The following PNLIPRP3 variants were observed in gnomAD, a reference collection of about 807,000 sequenced individuals.
PNLIPRP3 encodes the protein pancreatic lipase-related protein 3.
A neutral mutation model predicts 52.8 loss-of-function variants in PNLIPRP3; 58 were observed. The ratio of observed to expected loss-of-function variants is 1.10; its 90% CI spans 0.89 to 1.37. The LOEUF is 1.37. Among genes scored for constraint, PNLIPRP3 ranks in the 40% most tolerant of loss-of-function variants. The pLI is 0.00. For synonymous variants in PNLIPRP3, 192 were observed against 185.0 expected, an observed-to-expected ratio of 1.04 and a Z score of -0.31; for missense variants, 593 against 561.6, an observed-to-expected ratio of 1.06 and a Z score of -0.57.
chr10:116,443,612 TGTGTTTTATATA>T (rs1353046197), intron 3 of PNLIPRP3, among the ~76,000 whole-genome samples: 1 of 16,268 alleles, frequency 6.1e-5, no homozygotes, highest in African/African-American at 7.5e-5. Flanking sequence ...TTTATATATA[TGTGTTTTATATA>T]TATAACACAT....
chr10:116,474,013 G>T (rs1564706508), intron 10 of PNLIPRP3, among the ~76,000 whole-genome samples: 1 of 148,742 alleles, frequency 6.7e-6, no homozygotes, highest in African/African-American at 2.5e-5. Flanking sequence ...GAACAAAGCT[G>T]GAGGCATCAT....
At position 116,476,980 on chromosome 10, in the gene PNLIPRP3, C is replaced by T. The variant is rs967485665; in HGVS notation, c.1341-110C>T. On this transcript the variant is annotated intron_variant, in intron 11 of 11. Coordinates refer to ENST00000369230, the MANE Select transcript of PNLIPRP3 (RefSeq NM_001011709.3). ...AGTTAAGAAACCAATGCTATATGTGCAGAAGTGTTAGAAAATAAGAATTAC... is the reference window on the plus strand; with the variant it reads ...AGTTAAGAAACCAATGCTATATGTGTAGAAGTGTTAGAAAATAAGAATTAC... 1.0e-5 allele frequency: 12 copies of T among 1,176,054 alleles called. No individual in the cohort carries two copies. The East Asian group carries it at 2.7e-4, about 26-fold the overall frequency. The allele number at this position is 1,176,054 out of a possible 1,614,324, so 72.9% of individuals were successfully genotyped here. A position where few individuals can be genotyped will look rare whatever the true frequency, so the allele number is the denominator to read the frequency against.
chr10:116,443,799 GTGCATATATATATATATATATA>G lies in PNLIPRP3; in HGVS notation c.325-581_325-560del, dbSNP rs1294389093. 4.4e-3 allele frequency among the ~76,000 whole-genome samples: 34 copies of G among 7,706 alleles called. 1 individual carries two copies. The highest frequency in any genetic ancestry group is 5.1e-3 in the African/African-American group (29 of 5,662). 5.1% of individuals were successfully genotyped at this position (7,706 alleles called of 152,430 possible). A position where few individuals can be genotyped will look rare whatever the true frequency, so the allele number is the denominator to read the frequency against. ...TGTGTGTGTGTGTATGTATGTGTGT[GTGCATATATATATATATATATA>G]TATATATATATATATATATATATGG... On this transcript the variant is annotated intron_variant, in intron 3 of 11. Coordinates refer to ENST00000369230, the MANE Select transcript of PNLIPRP3 (RefSeq NM_001011709.3).
rs753707299 is a variant in PNLIPRP3, at chr10:116,471,782, TTGTC to T, written c.1079_1082del (p.Ser360LeufsTer17). ...CTTATATCTAGGTTGGAGGCACAAA[TTGTC>T]TGTTAAACTCAGTGGAAGCGAAGTC... On this transcript the variant is annotated frameshift_variant, in exon 10 of 12. Transcript: ENST00000369230. LOFTEE classifies it high-confidence loss of function. The T allele has an allele frequency of 6.2e-7, 1 of 1,609,738 alleles. No homozygotes were observed. The highest frequency in any genetic ancestry group is 8.5e-7 in the Non-Finnish European group (1 of 1,176,366).
chr10:116,460,542 A>G (rs1846176359), intron 5 of PNLIPRP3, among the ~76,000 whole-genome samples: 1 of 152,210 alleles, frequency 6.6e-6, no homozygotes, highest in Non-Finnish European at 1.5e-5. Context: ...GCCATAGCTC[A>G]GGACAAGGAT....
rs1024102263 is a variant in PNLIPRP3 at position 116,461,016 on chromosome 10, C to A, written c.616C>A (p.Leu206Ile). ...CCACAACACTCCAAAGGAAGTCAGGCTAGACCCCTCGGATGCCAACTTTGT... is the reference window on the plus strand; with the variant it reads ...CCACAACACTCCAAAGGAAGTCAGGATAGACCCCTCGGATGCCAACTTTGT... ...FFHNTPKEVRLDPSDANFVDV... is the reference protein window; with the variant it reads ...FFHNTPKEVRIDPSDANFVDV... The change falls in exon 6 of 12, where the codon CTA (leucine) becomes ATA (isoleucine). Residue 206 changes from leucine (L) to isoleucine (I), a missense_variant. Coordinates refer to ENST00000369230, the MANE Select transcript of PNLIPRP3 (RefSeq NM_001011709.3). 3.7e-6 allele frequency: 6 copies of A among 1,613,594 alleles called. No individual in the cohort carries two copies. The highest frequency in any genetic ancestry group is 5.1e-6 in the Non-Finnish European group (6 of 1,180,018).
chr10:116,466,518 G>GC (rs1295897283), intron 8 of PNLIPRP3, among the ~76,000 whole-genome samples: 1 of 152,152 alleles, frequency 6.6e-6, no homozygotes, highest in Non-Finnish European at 1.5e-5. Context: ...CTTCAAAGAT[G>GC]CCCTAAGAAG....
intron 2 of PNLIPRP3, among the ~76,000 whole-genome samples, chr10:116,441,538 T>A (rs1431426846): frequency 6.6e-6 from 1 of 152,164 alleles, no homozygotes; most frequent in African/African-American, 2.4e-5. Flanking sequence ...GATGGAATCA[T>A]GTTTTTGTAC....
intron 3 of PNLIPRP3, among the ~76,000 whole-genome samples, chr10:116,443,801 GCATATATA>G (rs1172954494): frequency 0.019 from 214 of 11,154 alleles, 3 homozygotes; most frequent in African/African-American, 0.041. Context: ...ATGTGTGTGT[GCATATATA>G]TATATATATA....
At chr10:116,472,209 A>G (rs1188491966) in intron 10 of PNLIPRP3, among the ~76,000 whole-genome samples, 1 of 152,204 alleles carries the variant, frequency 6.6e-6, no homozygotes, top group African/African-American at 2.4e-5. Flanking sequence ...AAATATAAGC[A>G]TATATTTTTA....
At position 116,455,738 on chromosome 10, in the gene PNLIPRP3, C is replaced by A. The variant is rs61729301; in HGVS notation, c.473C>A (p.Ser158Tyr). Residue 158 changes from serine (S) to tyrosine (Y), a missense_variant, in exon 5 of 12, where the codon TCC becomes TAC. Coordinates refer to ENST00000369230, the MANE Select transcript of PNLIPRP3 (RefSeq NM_001011709.3). ...IDVLMKKFEY[S>Y]PSKVHLIGHS... ...TTCTTTCAGAAAAAATTTGAATATT[C>A]CCCTTCTAAAGTGCACTTGATTGGC... The A allele has an allele frequency of 1.2e-6, 2 of 1,613,042 alleles. No homozygotes were observed. The highest frequency in any genetic ancestry group is 1.7e-6 in the Non-Finnish European group (2 of 1,179,592).
At chr10:116,468,127 A>G (rs1046986450) in intron 8 of PNLIPRP3, among the ~76,000 whole-genome samples, 3 of 12,774 alleles carry the variant, frequency 2.3e-4, no homozygotes, top group Non-Finnish European at 8.3e-4. Context: ...TCTGTCTCGC[A>G]AAAAAAAAAA....
At chr10:116,431,155 AACCACACCACTGCT>A (rs2133107264) in intron 1 of PNLIPRP3, among the ~76,000 whole-genome samples, 1 of 152,294 alleles carries the variant, frequency 6.6e-6, no homozygotes, top group Admixed American at 6.5e-5. Context: ...GACCACTTGT[AACCACACCACTGCT>A]ACCACCCTAG....
intron 5 of PNLIPRP3, 71 bp downstream of exon 5, chr10:116,455,901 C>A: frequency 9.2e-7 from 1 of 1,085,900 alleles, no homozygotes; most frequent in Non-Finnish European, 1.4e-6. Context: ...AGTATCTGAA[C>A]ACCAAGTAAT....
chr10:116,443,086 A>C lies in PNLIPRP3; in HGVS notation c.236A>C (p.Gln79Pro). 6.2e-7 allele frequency: 1 copy of C among 1,607,812 alleles called. No individual in the cohort carries two copies. Among genetic ancestry groups the C allele is most frequent in the Non-Finnish European group, 8.5e-7 (1 of 1,175,354 alleles). ...AGTGCGGTTAATTCTTCAACTATCC[A>C]AGCCTCATATTTTGGAACAGACAAG... ...EISAVNSSTI[Q>P]ASYFGTDKIT... is the part of the protein sequence containing the mutation. Residue 79 changes from glutamine (Q) to proline (P), a missense_variant, in exon 3 of 12, where the codon CAA (glutamine) becomes CCA (proline). By Grantham distance (76) the Gln-to-Pro change is moderately conservative (BLOSUM62 -1). Coordinates refer to ENST00000369230, the MANE Select transcript of PNLIPRP3 (RefSeq NM_001011709.3).
intron 7 of PNLIPRP3, among the ~76,000 whole-genome samples, chr10:116,461,808 A>G (rs1037762673): frequency 6.6e-6 from 1 of 152,208 alleles, no homozygotes; most frequent in Admixed American, 6.5e-5. Context: ...CTTACTGAAA[A>G]GATGACCTAA....
intron 7 of PNLIPRP3, among the ~76,000 whole-genome samples, chr10:116,465,628 G>A (rs1589988861): frequency 1.3e-5 from 2 of 152,222 alleles, no homozygotes; most frequent in Admixed American, 6.5e-5. Flanking sequence ...AACAGGAATC[G>A]AAGTTCTCAC....
At chr10:116,462,784 T>C (rs945265901) in intron 7 of PNLIPRP3, among the ~76,000 whole-genome samples, 2 of 152,208 alleles carry the variant, frequency 1.3e-5, no homozygotes, top group South Asian at 2.1e-4. Flanking sequence ...TTAATTGTTA[T>C]ACACAGATCA....
intron 4 of PNLIPRP3, among the ~76,000 whole-genome samples, chr10:116,447,889 A>T (rs1845975599): frequency 6.6e-6 from 1 of 150,630 alleles, no homozygotes; most frequent in Admixed American, 6.6e-5. Flanking sequence ...GTGAGCTGAG[A>T]TGGTGCCACT....
Sources: allele counts gnomAD v4.1 joint callset (sites outside exome capture counted in the v4.1 genomes callset), GRCh38; gene constraint gnomAD v4.1.1; transcripts MANE v1.5; gene names NCBI Gene and HGNC (gene_info 2026-07-23, HGNC 2026-07-21).